Variants in RALGAPA1 observed in about 807,000 individuals in gnomAD.
RALGAPA1 encodes the protein Ral GTPase activating protein catalytic subunit alpha 1.
Under a neutral mutation model 269.6 loss-of-function variants are expected in RALGAPA1, and 52 were observed. The observed-to-expected ratio is 0.19, with a 90% CI of 0.15 to 0.24. The LOEUF is 0.24. Among genes scored for constraint, RALGAPA1 ranks in the 10% least tolerant of loss-of-function variants. The pLI is 1.00. For synonymous variants in RALGAPA1, 817 were observed against 1,008.3 expected (o/e 0.81, Z 3.60); for missense variants, 1,917 against 3,013.9 (o/e 0.64, Z 8.52).
At chr14:35,729,063 C>A (rs975949789) in intron 12 of RALGAPA1, among the ~76,000 whole-genome samples, 2 of 151,700 alleles carry the variant, frequency 1.3e-5, no homozygotes, top group South Asian at 2.1e-4. Flanking sequence ...AACTGAGAAG[C>A]TTTAATAACT....
chr14:35,611,631 G>A (rs1398646751), intron 35 of RALGAPA1, among the ~76,000 whole-genome samples: 1 of 151,932 alleles, frequency 6.6e-6, no homozygotes, highest in Non-Finnish European at 1.5e-5. Context: ...TGGGGAGGAT[G>A]AGGTGAGGTG....
chr14:35,678,199 C>A, intron 21 of RALGAPA1, 97 bp from the exon 22 acceptor site: 4 of 1,191,578 alleles, frequency 3.4e-6, no homozygotes, highest in East Asian at 5.5e-5. Flanking sequence ...TTTTAAACAC[C>A]AAAAGATAAA....
In RALGAPA1 at chr14:35,738,650, C is replaced by T; in HGVS notation, c.1450G>A (p.Glu484Lys). The T allele has an allele frequency of 6.3e-7, 1 of 1,598,580 alleles. No individual in the cohort carries two copies. Among genetic ancestry groups the T allele is most frequent in the South Asian group, 1.1e-5 (1 of 87,568 alleles). The stretch of plus-strand genomic sequence containing the variant: ...TGATCAGCAGTATTGGTCCCATTTT[C>T]CTGAAGCAAAATATCAAGTTTTTAA... ...SMEEGEKREE[E>K]NGTNTADHVR... Residue 484 changes from glutamate to lysine, a missense_variant and splice_region_variant, in exon 12 of 42, where the codon GAA (glutamate) becomes AAA (lysine). Physicochemically the swap from Glu to Lys is moderately conservative, Grantham distance 56. Transcript: ENST00000680220.
intron 37 of RALGAPA1, among the ~76,000 whole-genome samples, chr14:35,579,649 G>T (rs1409478499): frequency 3.3e-5 from 5 of 151,658 alleles, no homozygotes; most frequent in African/African-American, 9.7e-5. Context: ...ACAATGAGAG[G>T]CCTCTGCTAT....
At chr14:35,582,982 C>A (rs918474723) in intron 37 of RALGAPA1, among the ~76,000 whole-genome samples, 17 of 152,148 alleles carry the variant, frequency 1.1e-4, no homozygotes, top group African/African-American at 4.1e-4. Flanking sequence ...TTCCCCCACA[C>A]CTTACCACCA....
chr14:35,704,405 T>A (rs1457520631), intron 16 of RALGAPA1, among the ~76,000 whole-genome samples: 1 of 152,156 alleles, frequency 6.6e-6, no homozygotes, highest in Non-Finnish European at 1.5e-5. Flanking sequence ...CCATCTTGAG[T>A]ATTCTAAGAT....
At chr14:35,653,506 G>C (rs1278396098) in intron 30 of RALGAPA1, among the ~76,000 whole-genome samples, 1 of 152,178 alleles carries the variant, frequency 6.6e-6, no homozygotes, top group East Asian at 1.9e-4. Flanking sequence ...ATGACAAGCA[G>C]ACTCAGTTGC....
At chr14:35,645,591 C>T (rs1357261406) in intron 31 of RALGAPA1, among the ~76,000 whole-genome samples, 4 of 151,758 alleles carry the variant, frequency 2.6e-5, no homozygotes, top group African/African-American at 2.4e-5. Context: ...ATTAGCCAGG[C>T]GTGGTGGCGG....
chr14:35,700,370 TCA>T, intron 16 of RALGAPA1, 68 bp from the exon 17 acceptor site: 3 of 1,281,412 alleles, frequency 2.3e-6, no homozygotes, highest in Non-Finnish European at 2.0e-6. Flanking sequence ...AAGGCTCGTG[TCA>T]CAGAAAAAGC....
chr14:35,792,791 A>AAAAGAAAGAAAGAG (rs1421958870), intron 1 of RALGAPA1, among the ~76,000 whole-genome samples: 4 of 146,810 alleles, frequency 2.7e-5, no homozygotes, highest in Non-Finnish European at 4.5e-5. Context: ...AAAAAAAAAA[A>AAAAGAAAGAAAGAG]AAAGAAAGAA....
At chr14:35,759,286 A>G (rs543897116) in intron 6 of RALGAPA1, among the ~76,000 whole-genome samples, 2 of 152,326 alleles carry the variant, frequency 1.3e-5, no homozygotes, top group Non-Finnish European at 2.9e-5. Flanking sequence ...AAAATTATAA[A>G]TAAGAGGTAG....
intron 1 of RALGAPA1, among the ~76,000 whole-genome samples, chr14:35,800,751 T>C (rs1270084734): frequency 6.6e-6 from 1 of 152,186 alleles, no homozygotes; most frequent in African/African-American, 2.4e-5. Flanking sequence ...ACACCTGTAA[T>C]CCCAGCACTT....
intron 11 of RALGAPA1, among the ~76,000 whole-genome samples, chr14:35,738,875 T>A (rs530318816): frequency 7.2e-5 from 11 of 152,156 alleles, no homozygotes; most frequent in Admixed American, 2.0e-4. Flanking sequence ...AAACCCATAA[T>A]GAGCAGCCAG....
At chr14:35,798,092 T>C (rs1380171278) in intron 1 of RALGAPA1, among the ~76,000 whole-genome samples, 1 of 151,580 alleles carries the variant, frequency 6.6e-6, no homozygotes, top group African/African-American at 2.4e-5. Flanking sequence ...AGGATGGTCT[T>C]GAACTCCTGG....
At chr14:35,757,383 G>A (rs1201504991) in intron 6 of RALGAPA1, among the ~76,000 whole-genome samples, 2 of 152,002 alleles carry the variant, frequency 1.3e-5, no homozygotes, top group Non-Finnish European at 2.9e-5. Flanking sequence ...GCCTCCCAAA[G>A]TGCTAGGATT....
Position 35,752,178 on chromosome 14 carries a change from A to G in RALGAPA1, c.664-16T>C. On this transcript the variant is annotated splice_polypyrimidine_tract_variant and intron_variant, in intron 7 of 41. Coordinates refer to ENST00000680220, the MANE Select transcript of RALGAPA1 (RefSeq NM_001346249.2). The stretch of plus-strand genomic sequence containing the variant: ...AACTTTTTACCTAAAAATAAATTAT[A>G]TAATTAGAATCATTCCAGAAGAAAG... 4.7e-6 allele frequency: 7 copies of G among 1,502,768 alleles called. No individual in the cohort carries two copies. Among genetic ancestry groups the G allele is most frequent in the Non-Finnish European group, 6.2e-6 (7 of 1,123,366 alleles). The allele number at this position is 1,502,768 out of a possible 1,614,324, so 93.1% of individuals were successfully genotyped here.
intron 37 of RALGAPA1, among the ~76,000 whole-genome samples, chr14:35,587,613 G>C (rs1034626958): frequency 6.6e-6 from 1 of 151,774 alleles, no homozygotes; most frequent in Non-Finnish European, 1.5e-5. Context: ...GCAAACTATT[G>C]CAAGGACAGA....
chr14:35,757,921 T>C (rs2073329194), intron 6 of RALGAPA1, among the ~76,000 whole-genome samples: 1 of 152,192 alleles, frequency 6.6e-6, no homozygotes, highest in African/African-American at 2.4e-5. Flanking sequence ...CTTTAAATTA[T>C]TCTAAAAAGT....
intron 11 of RALGAPA1, among the ~76,000 whole-genome samples, chr14:35,740,082 T>C (rs1434110161): frequency 1.3e-5 from 2 of 152,174 alleles, no homozygotes; most frequent in Non-Finnish European, 2.9e-5. Flanking sequence ...CCTTTCCCAT[T>C]TGTCTACCTG....
Sources: allele counts gnomAD v4.1 joint callset (sites outside exome capture counted in the v4.1 genomes callset), GRCh38; gene constraint gnomAD v4.1.1; transcripts MANE v1.5; gene names NCBI Gene and HGNC (gene_info 2026-07-23, HGNC 2026-07-21).